The following ATP7A variants were observed in gnomAD, a reference collection of about 807,000 sequenced individuals.
ATP7A encodes the protein ATPase copper transporting alpha.
ATP7A carries 7 observed loss-of-function variants against 83.5 expected under a neutral mutation model. The ratio of observed to expected loss-of-function variants is 0.08; its 90% CI spans 0.05 to 0.16. The LOEUF (loss-of-function observed/expected upper bound fraction) is 0.16, where lower values mean the gene tolerates loss of function less well. Among genes scored for constraint, ATP7A ranks in the 10% least tolerant of loss-of-function variants. ATP7A has a pLI of 1.00. For missense variants in ATP7A, 940 were observed against 1,120.8 expected (o/e 0.84, Z 2.30); for synonymous variants, 354 against 395.2 (o/e 0.90, Z 1.24).
At chrX:78,025,728 A>ATCAG (rs2077939297) in intron 14 of ATP7A, among the ~76,000 whole-genome samples, 2 of 111,362 alleles carry the variant, frequency 1.8e-5, no homozygotes, top group African/African-American at 6.5e-5. Context: ...TCAGGCTAAC[A>ATCAG]GCAGACTTCT....
rs1193220421 is a variant in ATP7A, at chrX:78,042,671, A to G, written c.3888A>G (p.Val1296=). The change falls in exon 20 of 23, where the codon GTA becomes GTG. Residue 1296 remains valine, a synonymous_variant. Coordinates refer to ENST00000341514, the MANE Select transcript of ATP7A (RefSeq NM_000052.7). The part of the protein sequence containing the change: ...VKQLQEEGKR[V]AMVGDGINDS... ...AACTTCAAGAGGAGGGGAAACGGGT[A>G]GCAATGGTGGGAGATGGAATCAATG... is the stretch of plus-strand genomic sequence containing the variant. 8.3e-7 allele frequency: 1 copy of G among 1,210,262 alleles called. No individual in the cohort carries two copies. Among genetic ancestry groups the G allele is most frequent in the African/African-American group, 1.7e-5 (1 of 57,198 alleles).
intron 22 of ATP7A, 120 bp downstream of exon 22, chrX:78,045,692 A>G (rs951952208): frequency 1.6e-5 from 12 of 749,440 alleles, no homozygotes; most frequent in African/African-American, 2.1e-5. Context: ...AATGAGAATT[A>G]TTATTAGCGG....
intron 8 of ATP7A, 34 bp from the exon 9 acceptor site, chrX:78,011,415 C>G (rs2077824473): frequency 2.6e-6 from 3 of 1,162,578 alleles, no homozygotes; most frequent in Non-Finnish European, 3.5e-6. Flanking sequence ...TATTTATGAC[C>G]ATGATTTTTC....
At chrX:77,926,240 A>T (rs991665222) in intron 1 of ATP7A, among the ~76,000 whole-genome samples, 3 of 112,536 alleles carry the variant, frequency 2.7e-5, no homozygotes, top group Non-Finnish European at 5.6e-5. Context: ...CTACAAAGGC[A>T]TCCTTGAAAT....
At chrX:78,010,090 T>C (rs1362956495) in intron 7 of ATP7A, among the ~76,000 whole-genome samples, 1 of 112,649 alleles carries the variant, frequency 8.9e-6, no homozygotes, top group East Asian at 2.8e-4. Context: ...GTTAAGATCC[T>C]ATTTGTATAG....
At chrX:77,935,182 G>C (rs1377198052) in intron 1 of ATP7A, among the ~76,000 whole-genome samples, 1 of 111,354 alleles carries the variant, frequency 9.0e-6, no homozygotes, top group Non-Finnish European at 1.9e-5. Flanking sequence ...TCTATGATTT[G>C]ATTTATAATG....
chrX:78,032,780 T>C (rs1334982265), intron 16 of ATP7A, among the ~76,000 whole-genome samples: 4 of 111,749 alleles, frequency 3.6e-5, no homozygotes, highest in African/African-American at 1.3e-4. Flanking sequence ...GTTCTTTCTC[T>C]TTTACCTATT....
At chrX:78,000,219 A>G (rs1462636535) in intron 5 of ATP7A, among the ~76,000 whole-genome samples, 2 of 111,360 alleles carry the variant, frequency 1.8e-5, no homozygotes, top group African/African-American at 6.5e-5. Context: ...TTTAGCCTCC[A>G]TTATTTCTAA....
chrX:77,917,532 G>A (rs1022478390), intron 1 of ATP7A, among the ~76,000 whole-genome samples: 2 of 111,898 alleles, frequency 1.8e-5, no homozygotes, highest in South Asian at 3.7e-4. Flanking sequence ...GTGCCAGTAG[G>A]AAGTCCAAGG....
At chrX:78,045,193 G>A (rs1024198867) in intron 21 of ATP7A, among the ~76,000 whole-genome samples, 16 of 111,366 alleles carry the variant, frequency 1.4e-4, no homozygotes, top group African/African-American at 4.6e-4. Context: ...GAATATCCAC[G>A]TAAAGTTGAA....
intron 1 of ATP7A, among the ~76,000 whole-genome samples, chrX:77,939,604 T>A (rs1412295212): frequency 9.0e-6 from 1 of 110,928 alleles, no homozygotes; most frequent in Non-Finnish European, 1.9e-5. Flanking sequence ...TTACATTAAT[T>A]TATACATTCT....
At position 77,988,669 on chromosome X, in the gene ATP7A, A is replaced by G. The variant is rs1186296000; in HGVS notation, c.548A>G (p.His183Arg). The G allele has an allele frequency of 8.3e-7, 1 of 1,209,442 alleles. No individual in the cohort carries two copies. Among genetic ancestry groups the G allele is most frequent in the Non-Finnish European group, 1.1e-6 (1 of 894,874 alleles). Residue 183 changes from histidine to arginine, a missense_variant, in exon 3 of 23, where the codon CAT becomes CGT. His to Arg is a conservative substitution (Grantham distance 29). Around this residue, in one of 3 missense-constraint regions of ATP7A, gnomAD observed 350 missense variants for 432.8 expected, o/e 0.81. Transcript: ENST00000341514. ...LKMKVEGMTC[H>R]SCTSTIEGKI... ...ATGAAAGTGGAAGGGATGACCTGCC[A>G]TTCATGTACTAGCACTATTGAAGGA...
At chrX:77,962,766 G>A (rs782144187) in intron 1 of ATP7A, 309 of 387,344 alleles carry the variant, frequency 8.0e-4, no homozygotes, top group African/African-American at 7.5e-3. Flanking sequence ...CAAACTTCTT[G>A]AAGCCATATC....
intron 1 of ATP7A, among the ~76,000 whole-genome samples, chrX:77,948,641 C>T (rs1421065710): frequency 2.7e-5 from 3 of 111,144 alleles, no homozygotes; most frequent in Non-Finnish European, 3.8e-5. Flanking sequence ...GCAGCCATGG[C>T]TTTATAGGGC....
intron 1 of ATP7A, among the ~76,000 whole-genome samples, chrX:77,945,434 C>G (rs955300430): frequency 1.3e-4 from 15 of 112,224 alleles, no homozygotes; most frequent in Non-Finnish European, 7.5e-5. Context: ...CCCACTTTGG[C>G]CTCCCAAAGT....
chrX:78,010,546 A>G (rs1206117767), intron 7 of ATP7A, among the ~76,000 whole-genome samples: 2 of 105,010 alleles, frequency 1.9e-5, no homozygotes, highest in African/African-American at 6.9e-5. Context: ...AAGGCCTTGA[A>G]TAATATGTTT....
At chrX:78,003,449 G>T (rs1230657726) in intron 6 of ATP7A, among the ~76,000 whole-genome samples, 1 of 109,772 alleles carries the variant, frequency 9.1e-6, no homozygotes, top group Admixed American at 1.0e-4. Context: ...AAAAAGAATT[G>T]GGTATGAATG....
rs2078083915 is a variant in ATP7A, at chrX:78,046,427, G to C, written c.4360G>C (p.Asp1454His). 5 of 1,209,612 alleles carry C rather than the reference G, an allele frequency of 4.1e-6. No individual in the cohort carries two copies. In the South Asian group the frequency reaches 8.8e-5, roughly 21 times the overall value. Residue 1454 changes from aspartate (D) to histidine (H), a missense_variant, in exon 23 of 23, where the codon GAC becomes CAC. Transcript: ENST00000341514. ...SRNSPKLGLLDRIVNYSRASI... is the reference protein window; with the variant it reads ...SRNSPKLGLLHRIVNYSRASI... ...GAATTCTCCTAAACTGGGTTTGCTG[G>C]ACCGGATTGTTAATTATAGCAGAGC...
intron 1 of ATP7A, among the ~76,000 whole-genome samples, chrX:77,912,624 A>T (rs2077166377): frequency 8.9e-6 from 1 of 112,459 alleles, no homozygotes; most frequent in Admixed American, 9.5e-5. Context: ...ATTCTGATGT[A>T]AACTCAAATC....
Sources: gnomAD v4.1 joint callset for allele counts (sites outside exome capture counted in the v4.1 genomes callset) on GRCh38, gnomAD v4.1.1 for gene constraint, gnomAD v4.1.1 regional missense constraint, MANE v1.5 for transcripts, NCBI Gene and HGNC (gene_info 2026-07-23, HGNC 2026-07-21) for gene names.